MAPK8IP2: variants seen among roughly 807,000 people sequenced by gnomAD.
The protein encoded by MAPK8IP2 is C-Jun-amino-terminal kinase-interacting protein 2.
MAPK8IP2 carries 15 observed loss-of-function variants against 75.6 expected under a neutral mutation model. That is an observed-to-expected ratio of 0.20 (90% confidence interval 0.13 to 0.31). The LOEUF (loss-of-function observed/expected upper bound fraction) is 0.31, where lower values mean the gene tolerates loss of function less well. MAPK8IP2 is among the 10% of genes least tolerant of loss of function. MAPK8IP2 has a pLI of 1.00. For synonymous variants in MAPK8IP2, 632 were observed against 554.5 expected (o/e 1.14, Z -1.96); for missense variants, 1,089 against 1,211.2 (o/e 0.90, Z 1.50).
Position 50,607,284 on chromosome 22 carries a change from G to A in MAPK8IP2, c.2303+293G>A, listed in dbSNP as rs1052904241. The stretch of plus-strand genomic sequence containing the variant: ...ACGCCTGAGTGGGCCTGGGGCTCAG[G>A]ATGGCCAGCCTGGAAACACAGCAGG... On this transcript the variant is annotated intron_variant, in intron 10 of 11. Coordinates refer to ENST00000329492, the MANE Select transcript of MAPK8IP2 (RefSeq NM_012324.6). This position sits in a 1 kb window ranked among gnomAD's most constrained non-coding sequence, Gnocchi z 5.6. 6.6e-6 allele frequency among the ~76,000 whole-genome samples: 1 copy of A among 152,186 alleles called. No homozygotes were observed. Among genetic ancestry groups the A allele is most frequent in the Admixed American group, 6.5e-5 (1 of 15,276 alleles).
intron 2 of MAPK8IP2, 197 bp from the exon 3 acceptor site, chr22:50,603,026 C>T (rs2070962226): frequency 4.3e-6 from 5 of 1,170,134 alleles, no homozygotes; most frequent in Middle Eastern, 2.0e-4. Flanking sequence ...AGAGTTTAGG[C>T]CCTTCCCAAG....
In MAPK8IP2 at chr22:50,607,057, C is replaced by G; in HGVS notation, c.2303+66C>G. On this transcript the variant is annotated intron_variant, in intron 10 of 11. Coordinates refer to ENST00000329492, the MANE Select transcript of MAPK8IP2 (RefSeq NM_012324.6). This position sits in a 1 kb window ranked among gnomAD's most constrained non-coding sequence, Gnocchi z 5.6. ...CAAACCCTGAGAGTCCAACCGCCCC[C>G]TGAGTCCCCACAGACCCTGAGGGCT... 1 of 1,295,356 alleles carries G rather than the reference C, an allele frequency of 7.7e-7. No homozygotes were observed. Among genetic ancestry groups the G allele is most frequent in the Non-Finnish European group, 1.1e-6 (1 of 892,032 alleles). The allele number at this position is 1,295,356 out of a possible 1,614,324, so 80.2% of individuals were successfully genotyped here.
Position 50,607,906 on chromosome 22 carries a change from G to A in MAPK8IP2, c.2303+915G>A, listed in dbSNP as rs573641718. 2.0e-4 allele frequency among the ~76,000 whole-genome samples: 30 copies of A among 152,252 alleles called. No individual in the cohort carries two copies. The highest frequency in any genetic ancestry group is 7.2e-4 in the African/African-American group (30 of 41,552). Reference sequence around the variant, plus strand: ...CTGGCATAGGAGCAGCAGGCCAAGGGGGGCTGCCAGCTTCCCTCCAGGCAC... The same window carrying A: ...CTGGCATAGGAGCAGCAGGCCAAGGAGGGCTGCCAGCTTCCCTCCAGGCAC... On this transcript the variant is annotated intron_variant, in intron 10 of 11. Coordinates refer to ENST00000329492, the MANE Select transcript of MAPK8IP2 (RefSeq NM_012324.6). The surrounding 1 kb of genome is among the most constrained non-coding windows in gnomAD (Gnocchi z 5.6).
Position 50,610,734 on chromosome 22 carries a change from G to C in MAPK8IP2, c.2430G>C (p.Glu810Asp). 6.2e-7 allele frequency: 1 copy of C among 1,610,930 alleles called. No individual in the cohort carries two copies. Among genetic ancestry groups the C allele is most frequent in the Non-Finnish European group, 8.5e-7 (1 of 1,178,944 alleles). ...GCGCCTTCCTGGAGTACTACCAAGA[G>C]CACCTGGCGTACGCCTGCCCCACGG... Reference protein sequence around the residue: ...VGRAFLEYYQEHLAYACPTED... With the variant: ...VGRAFLEYYQDHLAYACPTED... Residue 810 changes from glutamate to aspartate, a missense_variant, in exon 12 of 12, where the codon GAG becomes GAC. Physicochemically the swap from Glu to Asp is conservative, Grantham distance 45. Coordinates refer to ENST00000329492, the MANE Select transcript of MAPK8IP2 (RefSeq NM_012324.6). The surrounding 1 kb of genome is among the most constrained non-coding windows in gnomAD (Gnocchi z 4.3).
Position 50,612,709 on chromosome 22 carries a change from G to A in MAPK8IP2, c.*1930G>A, listed in dbSNP as rs1008598252. On this transcript the variant is annotated 3_prime_UTR_variant, in exon 12 of 12. Coordinates refer to ENST00000329492, the MANE Select transcript of MAPK8IP2 (RefSeq NM_012324.6). ...GCAGATAGCCCCACTGGGTGTGTAC[G>A]TTTGAAACTTGTGCCCCCTGGGCTA... 1 of 152,328 alleles carries A rather than the reference G, an allele frequency of 6.6e-6. No homozygotes were observed. The highest frequency in any genetic ancestry group is 6.5e-5 in the Admixed American group (1 of 15,290). The allele number at this position is 152,328 out of a possible 1,614,324, so 9.4% of individuals were successfully genotyped here. A position where few individuals can be genotyped will look rare whatever the true frequency, so the allele number is the denominator to read the frequency against.
intron 6 of MAPK8IP2, 31 bp from the exon 7 acceptor site, chr22:50,605,531 C>T (rs1414272728): frequency 1.1e-6 from 1 of 933,014 alleles, no homozygotes; most frequent in Non-Finnish European, 1.6e-6. Context: ...AATCCCGCCC[C>T]CCTCCCCAGT....
chr22:50,606,544 G>A, intron 8 of MAPK8IP2, 114 bp from the exon 9 acceptor site: 1 of 770,100 alleles, frequency 1.3e-6, no homozygotes, highest in Non-Finnish European at 2.3e-6. Flanking sequence ...AGGGTCCTCA[G>A]CATGTGTGTC....
rs368086375 is a variant in MAPK8IP2, at chr22:50,607,051, C to T, written c.2303+60C>T. ...CCCCCACAAACCCTGAGAGTCCAAC[C>T]GCCCCCTGAGTCCCCACAGACCCTG... On this transcript the variant is annotated intron_variant, in intron 10 of 11. Transcript: ENST00000329492. This position sits in a 1 kb window ranked among gnomAD's most constrained non-coding sequence, Gnocchi z 5.6. 88 of 1,417,128 alleles carry T rather than the reference C, an allele frequency of 6.2e-5. No individual in the cohort carries two copies. In the African/African-American group the frequency reaches 6.6e-4, roughly 11 times the overall value. The allele number at this position is 1,417,128 out of a possible 1,614,324, so 87.8% of individuals were successfully genotyped here. A position where few individuals can be genotyped will look rare whatever the true frequency, so the allele number is the denominator to read the frequency against.
At position 50,605,408 on chromosome 22, in the gene MAPK8IP2, C is replaced by A. The variant is rs200987959; in HGVS notation, c.1806C>A (p.Gly602=). Residue 602 remains glycine, a synonymous_variant, in exon 6 of 12, where the codon GGC becomes GGA. Coordinates refer to ENST00000329492, the MANE Select transcript of MAPK8IP2 (RefSeq NM_012324.6). The part of the protein sequence containing the change: ...SFGLFSCLVN[G]EEREQTHRAV... ...GCCTTTTCTCCTGTCTGGTCAACGG[C>A]GAGGAGCGAGAGCAGACTCACCGGG... 6.2e-7 allele frequency: 1 copy of A among 1,613,584 alleles called. No individual in the cohort carries two copies. The highest frequency in any genetic ancestry group is 1.7e-5 in the Admixed American group (1 of 60,010).
At position 50,610,914 on chromosome 22, in the gene MAPK8IP2, G is replaced by A. The variant is rs745914380; in HGVS notation, c.*135G>A. 8.1e-6 allele frequency: 6 copies of A among 736,648 alleles called. No individual in the cohort carries two copies. The highest frequency in any genetic ancestry group is 8.6e-6 in the Non-Finnish European group (4 of 462,448). The allele number at this position is 736,648 out of a possible 1,614,324, so 45.6% of individuals were successfully genotyped here. A position where few individuals can be genotyped will look rare whatever the true frequency, so the allele number is the denominator to read the frequency against. On this transcript the variant is annotated 3_prime_UTR_variant, in exon 12 of 12. Coordinates refer to ENST00000329492, the MANE Select transcript of MAPK8IP2 (RefSeq NM_012324.6). This position sits in a 1 kb window ranked among gnomAD's most constrained non-coding sequence, Gnocchi z 4.3. Reference sequence around the variant, plus strand: ...ACCTTACGCTTGTGGGGGTCTGCGGGCTGGGAACTCTCGTCCTCGGTCCCC... The same window carrying A: ...ACCTTACGCTTGTGGGGGTCTGCGGACTGGGAACTCTCGTCCTCGGTCCCC...
rs148726406 is a variant in MAPK8IP2, at chr22:50,610,137, C to T, written c.2304-75C>T. On this transcript the variant is annotated intron_variant, in intron 10 of 11. Coordinates refer to ENST00000329492, the MANE Select transcript of MAPK8IP2 (RefSeq NM_012324.6). The surrounding 1 kb of genome is among the most constrained non-coding windows in gnomAD (Gnocchi z 4.3). ...CCCAAGCCCTTTGTTCCTGCCTCTT[C>T]TCTCTACATCATTTGTGGGGTGGCC... is the stretch of plus-strand genomic sequence containing the variant. The T allele has an allele frequency of 2.4e-4, 263 of 1,091,458 alleles. 1 individual carries two copies. In the African/African-American group the frequency reaches 3.7e-3, roughly 15 times the overall value. The allele number at this position is 1,091,458 out of a possible 1,614,324, so 67.6% of individuals were successfully genotyped here. A position where few individuals can be genotyped will look rare whatever the true frequency, so the allele number is the denominator to read the frequency against.
Position 50,604,997 on chromosome 22 carries a change from C to A in MAPK8IP2, c.1698C>A (p.Asp566Glu). The A allele has an allele frequency of 6.2e-7, 1 of 1,612,482 alleles. No individual in the cohort carries two copies. Among genetic ancestry groups the A allele is most frequent in the Non-Finnish European group, 8.5e-7 (1 of 1,179,826 alleles). ...GGQVSGDTSP[D>E]SPDLTFSKKF... ...AGGTCTCGGGGGACACCTCGCCGGA[C>A]AGCCCTGACCTCACTTTCTCCAAGA... is the stretch of plus-strand genomic sequence containing the variant. Residue 566 changes from aspartate (D) to glutamate (E), a missense_variant, in exon 5 of 12, where the codon GAC (aspartate) becomes GAA (glutamate). Physicochemically the swap from Asp to Glu is conservative, Grantham distance 45. Coordinates refer to ENST00000329492, the MANE Select transcript of MAPK8IP2 (RefSeq NM_012324.6).
Position 50,606,776 on chromosome 22 carries a change from G to A in MAPK8IP2, c.2232+11G>A. On this transcript the variant is annotated intron_variant, in intron 9 of 11. Coordinates refer to ENST00000329492, the MANE Select transcript of MAPK8IP2 (RefSeq NM_012324.6). ...GGAGGAGGGCCCGAGGTGGGAGTGT[G>A]GGGGACTGGGGACCGGGGACTGGGG... is the stretch of plus-strand genomic sequence containing the variant. 6 of 1,573,944 alleles carry A rather than the reference G, an allele frequency of 3.8e-6. No homozygotes were observed. The highest frequency in any genetic ancestry group is 5.2e-6 in the Non-Finnish European group (6 of 1,159,298).
At position 50,605,913 on chromosome 22, in the gene MAPK8IP2, C is replaced by T; in HGVS notation, c.2103C>T (p.Ile701=). The change falls in exon 8 of 12, where the codon ATC becomes ATT. Residue 701 remains isoleucine (I), a synonymous_variant. Transcript: ENST00000329492. ...VEVPCHQGNG[I]LCAAMQKIAT... ...TGCCCTGCCACCAGGGCAACGGCAT[C>T]CTGTGTGCAGCCATGCAGAAGGTCA... The T allele has an allele frequency of 6.3e-7, 1 of 1,580,466 alleles. No homozygotes were observed. The highest frequency in any genetic ancestry group is 8.6e-7 in the Non-Finnish European group (1 of 1,165,310).
chr22:50,603,150 T>A, intron 2 of MAPK8IP2, 73 bp from the exon 3 acceptor site: 1 of 1,607,244 alleles, frequency 6.2e-7, no homozygotes, highest in Non-Finnish European at 8.5e-7. Flanking sequence ...CCGATTTCCC[T>A]TCTCCTAGCA....
rs781725761 is a variant in MAPK8IP2 at position 50,603,383 on chromosome 22, G to A, written c.332G>A (p.Gly111Glu). Residue 111 changes from glycine to glutamate, a missense_variant, in exon 3 of 12, where the codon GGA becomes GAA. This residue lies in a region of MAPK8IP2 where 960 missense variants were observed against 1,009.6 expected (regional missense o/e 0.95). Transcript: ENST00000329492. ...GAGGGAGATGGGGAAGGCCAGGAGG[G>A]AGGAGACCCTGGCTCAGAGGCACCT... ...EEEGDGEGQE[G>E]GDPGSEAPAP... The A allele has an allele frequency of 2.6e-6, 4 of 1,555,930 alleles. No homozygotes were observed. Among genetic ancestry groups the A allele is most frequent in the Non-Finnish European group, 2.6e-6 (3 of 1,152,078 alleles).
chr22:50,605,889 G>A lies in MAPK8IP2; in HGVS notation c.2079G>A (p.Val693=). 1 of 1,586,620 alleles carries A rather than the reference G, an allele frequency of 6.3e-7. No homozygotes were observed. The highest frequency in any genetic ancestry group is 8.6e-7 in the Non-Finnish European group (1 of 1,168,080). ...FDVQFLGSVE[V]PCHQGNGILC... is the part of the protein sequence containing the mutation. ...TGCAGTTCCTGGGCTCCGTGGAGGT[G>A]CCCTGCCACCAGGGCAACGGCATCC... The change falls in exon 8 of 12, where the codon GTG becomes GTA. Residue 693 remains valine, a synonymous_variant. Transcript: ENST00000329492.
chr22:50,602,813 C>G (rs926373074), intron 2 of MAPK8IP2, among the ~76,000 whole-genome samples: 10 of 152,128 alleles, frequency 6.6e-5, no homozygotes, highest in Admixed American at 3.3e-4. Flanking sequence ...TTCTTGGGGG[C>G]GGGTGCAACA....
rs1388471050 is a variant in MAPK8IP2, at chr22:50,605,077, TG to T, written c.1765+17del. 1 of 1,611,076 alleles carries T rather than the reference TG, an allele frequency of 6.2e-7. No individual in the cohort carries two copies. Among genetic ancestry groups the T allele is most frequent in the African/African-American group, 1.3e-5 (1 of 74,426 alleles). The stretch of plus-strand genomic sequence containing the variant: ...TCTCGGTCCTCCAGTGAGTGAGAGG[TG>T]GGGAAAAGGGGGGTGGCCCAGAGGA... On this transcript the variant is annotated intron_variant, in intron 5 of 11. Coordinates refer to ENST00000329492, the MANE Select transcript of MAPK8IP2 (RefSeq NM_012324.6).
Sources: allele counts gnomAD v4.1 joint callset (sites outside exome capture counted in the v4.1 genomes callset), GRCh38; gene constraint gnomAD v4.1.1; regional missense constraint gnomAD v4.1.1; non-coding constraint Gnocchi (gnomAD v3.1); transcripts MANE v1.5; gene names NCBI Gene and HGNC (gene_info 2026-07-23, HGNC 2026-07-21).